FBXL7: variants seen among roughly 807,000 people sequenced by gnomAD.
FBXL7 encodes the protein F-box and leucine rich repeat protein 7, also known as F-box/LRR-repeat protein 7.
A neutral mutation model predicts 38.3 loss-of-function variants in FBXL7; 12 were observed. The ratio of observed to expected loss-of-function variants is 0.31; its 90% CI spans 0.20 to 0.51. The LOEUF is 0.51. FBXL7 is among the 20% of genes least tolerant of loss of function. The pLI is 0.98. For synonymous variants in FBXL7, 297 were observed against 300.9 expected (o/e 0.99, Z 0.13); for missense variants, 567 against 676.4 (o/e 0.84, Z 1.79).
intron 1 of FBXL7, among the ~76,000 whole-genome samples, chr5:15,544,212 C>T (rs972246126): frequency 2.6e-5 from 4 of 152,166 alleles, no homozygotes; most frequent in Non-Finnish European, 5.9e-5. Context: ...TCTGACTCAA[C>T]CAACTCTCCC....
intron 1 of FBXL7, among the ~76,000 whole-genome samples, chr5:15,573,365 A>G (rs1442892771): frequency 6.6e-6 from 1 of 152,228 alleles, no homozygotes; most frequent in Admixed American, 6.5e-5. Flanking sequence ...TTACAGCACA[A>G]AGTTTCAAAG....
intron 2 of FBXL7, among the ~76,000 whole-genome samples, chr5:15,771,277 C>T (rs1736722659): frequency 2.0e-5 from 3 of 152,194 alleles, no homozygotes; most frequent in Admixed American, 2.0e-4. Flanking sequence ...CTCTTCACTT[C>T]TCTGATAAAT....
At chr5:15,597,394 C>A (rs1739652897) in intron 1 of FBXL7, among the ~76,000 whole-genome samples, 1 of 149,918 alleles carries the variant, frequency 6.7e-6, no homozygotes, top group Non-Finnish European at 1.5e-5. Flanking sequence ...TTGATTGCAT[C>A]TCATTTTTAT....
chr5:15,581,948 C>CT (rs35766518), intron 1 of FBXL7, among the ~76,000 whole-genome samples: 67 of 152,034 alleles, frequency 4.4e-4, no homozygotes, highest in Non-Finnish European at 4.0e-4. Context: ...TAGATGATTT[C>CT]TTTTTTTGAA....
intron 2 of FBXL7, among the ~76,000 whole-genome samples, chr5:15,874,217 C>A (rs970017383): frequency 2.0e-5 from 3 of 152,184 alleles, no homozygotes; most frequent in African/African-American, 4.8e-5. Context: ...CAAAATTCAA[C>A]AGCCCTTCAT....
intron 2 of FBXL7, among the ~76,000 whole-genome samples, chr5:15,800,556 A>C (rs578102901): frequency 1.3e-5 from 2 of 152,340 alleles, no homozygotes; most frequent in South Asian, 4.1e-4. Flanking sequence ...CAGGCACTTG[A>C]TGTAAATTAT....
In FBXL7 at chr5:15,939,010, C is replaced by T; in HGVS notation, c.*1824C>T. The T allele has an allele frequency of 2.5e-6, 1 of 399,086 alleles. No homozygotes were observed. Among genetic ancestry groups the T allele is most frequent in the Non-Finnish European group, 4.4e-6 (1 of 226,072 alleles). 24.7% of individuals were successfully genotyped at this position (399,086 alleles called of 1,614,324 possible). ...AGCCAGTTATGCTGAATTTGTCAAA[C>T]TTAGACACCCTTGACAACTGCACTC... On this transcript the variant is annotated 3_prime_UTR_variant, in exon 4 of 4. Transcript: ENST00000504595.
intron 2 of FBXL7, among the ~76,000 whole-genome samples, chr5:15,674,381 A>G (rs1411346814): frequency 6.6e-6 from 1 of 151,662 alleles, no homozygotes; most frequent in African/African-American, 2.4e-5. Context: ...GCCAGACCTG[A>G]CTATTACTGA....
At position 15,936,587 on chromosome 5, in the gene FBXL7, A is replaced by G. The variant is rs1561195626; in HGVS notation, c.877A>G (p.Ile293Val). Reference protein sequence around the residue: ...FVLEDEGLHTIAAHCTQLTHL... With the variant: ...FVLEDEGLHTVAAHCTQLTHL... The stretch of plus-strand genomic sequence containing the variant: ...GCTGGAGGACGAAGGCCTGCACACC[A>G]TCGCGGCGCACTGCACGCAGCTCAC... The change falls in exon 4 of 4, where the codon ATC becomes GTC. Residue 293 changes from isoleucine (I) to valine (V), a missense_variant. By Grantham distance (29) the Ile-to-Val change is conservative (BLOSUM62 3). Transcript: ENST00000504595. The surrounding 1 kb of genome is among the most constrained non-coding windows in gnomAD (Gnocchi z 6.0). 6.2e-7 allele frequency: 1 copy of G among 1,611,948 alleles called. No individual in the cohort carries two copies. Among genetic ancestry groups the G allele is most frequent in the African/African-American group, 1.3e-5 (1 of 75,056 alleles).
chr5:15,715,138 C>T (rs1312946979), intron 2 of FBXL7, among the ~76,000 whole-genome samples: 2 of 152,116 alleles, frequency 1.3e-5, no homozygotes, highest in Admixed American at 1.3e-4. Context: ...CAATGTATTA[C>T]AGTGTCAATA....
At chr5:15,629,719 G>A (rs1308960928) in intron 2 of FBXL7, among the ~76,000 whole-genome samples, 2 of 152,020 alleles carry the variant, frequency 1.3e-5, no homozygotes, top group African/African-American at 2.4e-5. Context: ...TTTCAGCTCC[G>A]TATGCCTGGC....
rs150232953 is a variant in FBXL7 at position 15,544,400 on chromosome 5, A to G, written c.37+43687A>G. Among the ~76,000 whole-genome samples the G allele has an allele frequency of 3.8e-3, 574 of 152,328 alleles. 4 individuals carry two copies. The highest frequency in any genetic ancestry group is 6.5e-3 in the Non-Finnish European group (441 of 68,016). On this transcript the variant is annotated intron_variant, in intron 1 of 3. Transcript: ENST00000504595. ...CTGGAAATACAACTGGCACAGCGTT[A>G]TGTGATGGTCAAAGGCATCCTTTTT...
intron 2 of FBXL7, among the ~76,000 whole-genome samples, chr5:15,652,858 A>G (rs1741756303): frequency 1.3e-5 from 2 of 152,348 alleles, no homozygotes; most frequent in South Asian, 4.1e-4. Flanking sequence ...ATTTAACTGT[A>G]TATTTAAAAA....
rs78837952 is a variant in FBXL7 at position 15,521,559 on chromosome 5, C to T, written c.37+20846C>T. On this transcript the variant is annotated intron_variant, in intron 1 of 3. Transcript: ENST00000504595. ...CATTACTCTGCATTGTGTATTTGGG[C>T]GGTGGTTATATAGATTTAGATGCTT... 2.8e-3 allele frequency among the ~76,000 whole-genome samples: 429 copies of T among 152,180 alleles called. 2 individuals carry two copies. Among genetic ancestry groups the T allele is most frequent in the African/African-American group, 9.7e-3 (401 of 41,516 alleles).
At chr5:15,611,682 T>C (rs938869609) in intron 1 of FBXL7, among the ~76,000 whole-genome samples, 2 of 152,110 alleles carry the variant, frequency 1.3e-5, no homozygotes, top group Non-Finnish European at 2.9e-5. Flanking sequence ...TATCTCAAGT[T>C]ATGAGAATCA....
intron 2 of FBXL7, among the ~76,000 whole-genome samples, chr5:15,846,410 C>T (rs369157553): frequency 2.0e-5 from 3 of 151,958 alleles, no homozygotes; most frequent in African/African-American, 4.8e-5. Flanking sequence ...ATATGTGAAC[C>T]GAGGCACAAT....
chr5:15,729,983 C>T (rs551588049), intron 2 of FBXL7, among the ~76,000 whole-genome samples: 8 of 152,092 alleles, frequency 5.3e-5, no homozygotes, highest in East Asian at 3.9e-4. Flanking sequence ...GACATATGAT[C>T]GAAGAATAAA....
chr5:15,517,686 TAGAA>T (rs1736980964), intron 1 of FBXL7, among the ~76,000 whole-genome samples: 1 of 152,164 alleles, frequency 6.6e-6, no homozygotes, highest in African/African-American at 2.4e-5. Context: ...TGAATAGATT[TAGAA>T]AGGTCACTGA....
At chr5:15,872,010 G>A (rs1739985947) in intron 2 of FBXL7, among the ~76,000 whole-genome samples, 2 of 152,068 alleles carry the variant, frequency 1.3e-5, no homozygotes, top group South Asian at 4.1e-4. Context: ...TTGAAATGAA[G>A]GAAAAAATGT....
Sources: allele counts gnomAD v4.1 joint callset (sites outside exome capture counted in the v4.1 genomes callset), GRCh38; gene constraint gnomAD v4.1.1; non-coding constraint Gnocchi (gnomAD v3.1); transcripts MANE v1.5; gene names NCBI Gene and HGNC (gene_info 2026-07-23, HGNC 2026-07-21).